Variants in ZEB1 observed in about 807,000 individuals in gnomAD.
ZEB1 encodes zinc finger E-box binding homeobox 1.
ZEB1 carries 21 observed loss-of-function variants against 84.9 expected under a neutral mutation model. The observed-to-expected ratio is 0.25, with a 90% confidence interval of 0.18 to 0.36. ZEB1 has a LOEUF of 0.36. Ranked by LOEUF, ZEB1 falls within the 10% of genes least tolerant of loss-of-function variation. The probability of loss-of-function intolerance (pLI) is 1.00; values close to 1 mark genes in which losing one functional copy is unlikely to be tolerated. For missense variants in ZEB1, 1,104 were observed against 1,330.2 expected (o/e 0.83, Z 2.65); for synonymous variants, 420 against 471.1 (o/e 0.89, Z 1.41).
At chr10:31,412,617 C>G (rs903769612) in intron 1 of ZEB1, among the ~76,000 whole-genome samples, 6 of 152,282 alleles carry the variant, frequency 3.9e-5, no homozygotes, top group Non-Finnish European at 7.4e-5. Context: ...GCATAGTATT[C>G]CATGGTGTAT....
At chr10:31,416,687 G>C (rs1384872990) in intron 1 of ZEB1, among the ~76,000 whole-genome samples, 5 of 152,060 alleles carry the variant, frequency 3.3e-5, no homozygotes, top group Non-Finnish European at 7.4e-5. Context: ...CTGTTTTAGA[G>C]CACCAGAGAG....
rs556056223 is a variant in ZEB1, at chr10:31,489,797, A to G, written c.260-5979A>G. Among the ~76,000 whole-genome samples the G allele has an allele frequency of 1.2e-4, 18 of 151,356 alleles. No individual in the cohort carries two copies. The South Asian group carries it at 3.7e-3, about 31-fold the overall frequency. Reference sequence around the variant, plus strand: ...ATTTTATAGTTTTTATATGTACTACATCATTTCTCTTCTTCTTTTATTCCC... The same window carrying G: ...ATTTTATAGTTTTTATATGTACTACGTCATTTCTCTTCTTCTTTTATTCCC... On this transcript the variant is annotated intron_variant, in intron 2 of 8. Transcript: ENST00000424869.
chr10:31,392,449 A>G (rs531390330), intron 1 of ZEB1, among the ~76,000 whole-genome samples: 3 of 152,274 alleles, frequency 2.0e-5, no homozygotes, highest in African/African-American at 7.2e-5. Flanking sequence ...AGTAGCCTAT[A>G]TACACTTCCT....
chr10:31,344,563 T>A (rs1284828362), intron 1 of ZEB1, among the ~76,000 whole-genome samples: 1 of 152,134 alleles, frequency 6.6e-6, no homozygotes, highest in Non-Finnish European at 1.5e-5. Flanking sequence ...AACTATTGTA[T>A]CCTTACTGGT....
chr10:31,356,560 C>T (rs766456118), intron 1 of ZEB1, among the ~76,000 whole-genome samples: 63 of 152,080 alleles, frequency 4.1e-4, no homozygotes, highest in Admixed American at 6.5e-4. Context: ...ATCATTGGCT[C>T]TAGAGATAGA....
intron 1 of ZEB1, among the ~76,000 whole-genome samples, chr10:31,449,258 G>T (rs538366560): frequency 4.0e-5 from 6 of 150,258 alleles, no homozygotes; most frequent in African/African-American, 1.2e-4. Flanking sequence ...GCAATGCCTC[G>T]CCCTGCTTCG....
At chr10:31,488,658 A>G (rs1390030315) in intron 2 of ZEB1, among the ~76,000 whole-genome samples, 2 of 151,078 alleles carry the variant, frequency 1.3e-5, no homozygotes, top group Non-Finnish European at 3.0e-5. Context: ...TAGCACAAGC[A>G]TTTAATGCTA....
intron 1 of ZEB1, chr10:31,387,339 T>C (rs1463939920): frequency 1.0e-6 from 1 of 984,146 alleles, no homozygotes; most frequent in African/African-American, 1.7e-5. Flanking sequence ...GAATGCTCCA[T>C]TGAGGGTGTG....
chr10:31,376,995 C>T (rs1249156214), intron 1 of ZEB1, among the ~76,000 whole-genome samples: 1 of 150,758 alleles, frequency 6.6e-6, no homozygotes, highest in East Asian at 1.9e-4. Context: ...GTGAAATTCT[C>T]ATCTAAGCTT....
At chr10:31,367,329 A>G (rs1265634365) in intron 1 of ZEB1, among the ~76,000 whole-genome samples, 2 of 152,170 alleles carry the variant, frequency 1.3e-5, no homozygotes, top group Non-Finnish European at 2.9e-5. Flanking sequence ...GTGATACTGA[A>G]TTGAAATCTC....
At chr10:31,459,052 G>A (rs2061544655) in intron 1 of ZEB1, among the ~76,000 whole-genome samples, 1 of 152,100 alleles carries the variant, frequency 6.6e-6, no homozygotes, top group Non-Finnish European at 1.5e-5. Context: ...ATAGCTTACA[G>A]TTGGGCAAAT....
At chr10:31,363,052 T>G (rs1009690579) in intron 1 of ZEB1, 2 of 1,533,918 alleles carry the variant, frequency 1.3e-6, no homozygotes, top group Non-Finnish European at 1.7e-6. Context: ...CGGTTGCAGC[T>G]GCAGCGGTGG....
intron 3 of ZEB1, among the ~76,000 whole-genome samples, chr10:31,500,852 T>C (rs1447442227): frequency 6.6e-6 from 1 of 152,220 alleles, no homozygotes; most frequent in Admixed American, 6.5e-5. Flanking sequence ...AGTCTTCGCT[T>C]ACCTCTGGAT....
chr10:31,415,988 T>C (rs2055148872), intron 1 of ZEB1, among the ~76,000 whole-genome samples: 1 of 152,122 alleles, frequency 6.6e-6, no homozygotes, highest in Admixed American at 6.6e-5. Context: ...TTTCTAATAA[T>C]CTTAGTTGTA....
At chr10:31,376,878 T>C (rs2046728356) in intron 1 of ZEB1, among the ~76,000 whole-genome samples, 1 of 151,660 alleles carries the variant, frequency 6.6e-6, no homozygotes, top group African/African-American at 2.4e-5. Context: ...TTCATAAAGT[T>C]GTGCCAACGG....
At chr10:31,452,742 T>TGTGTGAGAGAGAGAGAGAGAGA (rs1387786622) in intron 1 of ZEB1, among the ~76,000 whole-genome samples, 8 of 90,806 alleles carry the variant, frequency 8.8e-5, no homozygotes, top group African/African-American at 3.1e-4. Flanking sequence ...TGTGTGTGTG[T>TGTGTGAGAGAGAGAGAGAGAGA]GAGAGAGAGA....
chr10:31,369,291 C>T (rs759108056), intron 1 of ZEB1, among the ~76,000 whole-genome samples: 4 of 152,144 alleles, frequency 2.6e-5, no homozygotes, highest in Non-Finnish European at 5.9e-5. Context: ...CAACTTGCTA[C>T]GGAATAGATC....
rs779719030 is a variant in ZEB1 at position 31,495,857 on chromosome 10, C to T, written c.322+19C>T. ...TGTACAGGTACTCTGCTGCGACTTT[C>T]TTTCATACCATAGCCTTTAAAAGAA... is the stretch of plus-strand genomic sequence containing the variant. On this transcript the variant is annotated intron_variant, in intron 3 of 8. Coordinates refer to ENST00000424869, the MANE Select transcript of ZEB1 (RefSeq NM_001174096.2). 2.2e-5 allele frequency: 35 copies of T among 1,612,494 alleles called. No individual in the cohort carries two copies. Among genetic ancestry groups the T allele is most frequent in the Middle Eastern group, 1.6e-4 (1 of 6,076 alleles).
chr10:31,474,402 A>T (rs973100049), intron 2 of ZEB1, among the ~76,000 whole-genome samples: 1 of 152,206 alleles, frequency 6.6e-6, no homozygotes, highest in African/African-American at 2.4e-5. Context: ...TGGGCAAAGG[A>T]CATGAACAGA....
Sources: allele counts gnomAD v4.1 joint callset (sites outside exome capture counted in the v4.1 genomes callset), GRCh38; gene constraint gnomAD v4.1.1; transcripts MANE v1.5; gene names NCBI Gene and HGNC (gene_info 2026-07-23, HGNC 2026-07-21).